DPYD: variants seen among roughly 807,000 people sequenced by gnomAD.
DPYD encodes the protein dihydropyrimidine dehydrogenase, also known as dihydropyrimidine dehydrogenase [NADP(+)].
A neutral mutation model predicts 116.2 loss-of-function variants in DPYD; 109 were observed. The observed-to-expected ratio is 0.94, with a 90% CI of 0.80 to 1.10. The LOEUF is 1.10. DPYD is among the 50% of genes least tolerant of loss of function. DPYD has a pLI of 0.00. For synonymous variants in DPYD, 440 were observed against 432.0 expected (o/e 1.02, Z -0.23); for missense variants, 1,302 against 1,254.5 (o/e 1.04, Z -0.57).
intron 3 of DPYD, among the ~76,000 whole-genome samples, chr1:97,794,121 A>G (rs2101288060): frequency 6.6e-6 from 1 of 152,182 alleles, no homozygotes; most frequent in Non-Finnish European, 1.5e-5. Flanking sequence ...TATATTTAGT[A>G]AGGATAGAGT....
chr1:97,390,469 C>G (rs1432409952), intron 14 of DPYD, among the ~76,000 whole-genome samples: 1 of 151,860 alleles, frequency 6.6e-6, no homozygotes, highest in Non-Finnish European at 1.5e-5. Flanking sequence ...TCCTTTATGC[C>G]TTAGTTCAAA....
At chr1:97,116,309 C>T (rs955874719) in intron 20 of DPYD, among the ~76,000 whole-genome samples, 1 of 151,972 alleles carries the variant, frequency 6.6e-6, no homozygotes, top group Admixed American at 6.6e-5. Context: ...TGCCTTTTAA[C>T]GGGGGGGCTA....
intron 14 of DPYD, among the ~76,000 whole-genome samples, chr1:97,438,427 T>C (rs989674443): frequency 1.3e-5 from 2 of 152,096 alleles, no homozygotes; most frequent in African/African-American, 4.8e-5. Flanking sequence ...TGTTCTTATC[T>C]TTCACATCTT....
chr1:97,843,296 C>T (rs1377694468), intron 2 of DPYD, among the ~76,000 whole-genome samples: 2 of 152,148 alleles, frequency 1.3e-5, no homozygotes, highest in Non-Finnish European at 2.9e-5. Flanking sequence ...CTCACCCCTA[C>T]ACCTATCTAT....
intron 14 of DPYD, among the ~76,000 whole-genome samples, chr1:97,440,644 C>G (rs1246530682): frequency 6.6e-6 from 1 of 152,156 alleles, no homozygotes; most frequent in Non-Finnish European, 1.5e-5. Flanking sequence ...CATCTCTTTC[C>G]TCCCAACTTT....
At chr1:97,422,157 T>G (rs1047577912) in intron 14 of DPYD, among the ~76,000 whole-genome samples, 1 of 152,196 alleles carries the variant, frequency 6.6e-6, no homozygotes, top group African/African-American at 2.4e-5. Flanking sequence ...GCATTGGTTT[T>G]GGGAAGTATT....
intron 2 of DPYD, among the ~76,000 whole-genome samples, chr1:97,878,161 C>T (rs1273439362): frequency 6.6e-6 from 1 of 151,862 alleles, no homozygotes; most frequent in East Asian, 1.9e-4. Context: ...CAGTACCATG[C>T]TGAGCCACAT....
chr1:97,411,164 T>C (rs1353204107), intron 14 of DPYD, among the ~76,000 whole-genome samples: 3 of 152,208 alleles, frequency 2.0e-5, no homozygotes, highest in East Asian at 1.9e-4. Context: ...ATTGCACTTA[T>C]CTGTCTCCTA....
At chr1:97,713,340 C>A (rs1662402869) in intron 5 of DPYD, among the ~76,000 whole-genome samples, 1 of 152,056 alleles carries the variant, frequency 6.6e-6, no homozygotes, top group East Asian at 1.9e-4. Context: ...AAAAAAGTAA[C>A]CGCAAATAAT....
chr1:97,349,009 C>G (rs1451531532), intron 16 of DPYD, among the ~76,000 whole-genome samples: 2 of 152,128 alleles, frequency 1.3e-5, no homozygotes, highest in Non-Finnish European at 2.9e-5. Flanking sequence ...AACCTGGTGT[C>G]ATTTTACAGA....
At chr1:97,392,498 T>C (rs1049359489) in intron 14 of DPYD, among the ~76,000 whole-genome samples, 5 of 152,034 alleles carry the variant, frequency 3.3e-5, no homozygotes, top group African/African-American at 1.2e-4. Context: ...GCTAGATTGA[T>C]TGACTCCTCC....
In DPYD at chr1:97,595,070, C is replaced by A. The variant is rs749157068; in HGVS notation, c.947G>T (p.Gly316Val). The change falls in exon 9 of 23, where the codon GGC becomes GTC. Residue 316 changes from glycine (G) to valine (V), a missense_variant. Transcript: ENST00000370192. Reference protein sequence around the residue: ...SKDFLPLVAKGSKAGMCACHS... With the variant: ...SKDFLPLVAKVSKAGMCACHS... ...ACAATATGTTATACCTGCTTTACTG[C>A]CTTTGGCTACAAGTGGCAAAAAGTC... 1.9e-6 allele frequency: 3 copies of A among 1,613,070 alleles called. No homozygotes were observed. The highest frequency in any genetic ancestry group is 2.5e-6 in the Non-Finnish European group (3 of 1,179,206).
chr1:97,406,223 G>A (rs1260658069), intron 14 of DPYD, among the ~76,000 whole-genome samples: 1 of 150,000 alleles, frequency 6.7e-6, no homozygotes, highest in African/African-American at 2.4e-5. Context: ...TTTGCCCTAA[G>A]TCCTCCCATC....
chr1:97,704,805 T>C (rs1421378245), intron 5 of DPYD, among the ~76,000 whole-genome samples: 1 of 152,034 alleles, frequency 6.6e-6, no homozygotes, highest in African/African-American at 2.4e-5. Context: ...TAATATTCTA[T>C]GATTTAATTT....
intron 8 of DPYD, among the ~76,000 whole-genome samples, chr1:97,652,673 G>A (rs1458036702): frequency 6.6e-6 from 1 of 152,130 alleles, no homozygotes; most frequent in Non-Finnish European, 1.5e-5. Flanking sequence ...AAGGGTGAGG[G>A]ACATTTCTAT....
At chr1:97,213,110 CAAT>C (rs1660148316) in intron 19 of DPYD, among the ~76,000 whole-genome samples, 1 of 151,954 alleles carries the variant, frequency 6.6e-6, no homozygotes, top group African/African-American at 2.4e-5. Flanking sequence ...ATAAAAGCAC[CAAT>C]CTCATTTATA....
intron 14 of DPYD, among the ~76,000 whole-genome samples, chr1:97,439,896 T>C (rs555239029): frequency 1.2e-4 from 19 of 152,300 alleles, no homozygotes; most frequent in African/African-American, 4.6e-4. Flanking sequence ...ACCACAAATA[T>C]TGACATTCTG....
intron 16 of DPYD, among the ~76,000 whole-genome samples, chr1:97,337,684 A>T (rs907987226): frequency 2.4e-4 from 35 of 146,848 alleles, no homozygotes; most frequent in Admixed American, 7.0e-4. Flanking sequence ...ATTGGTTTCC[A>T]GTTAGGAGAT....
intron 14 of DPYD, among the ~76,000 whole-genome samples, chr1:97,412,915 A>G (rs1674090424): frequency 6.6e-6 from 1 of 152,214 alleles, no homozygotes; most frequent in Non-Finnish European, 1.5e-5. Context: ...GAGTCATCAT[A>G]GTAGAATGCC....
Sources: allele counts gnomAD v4.1 joint callset (sites outside exome capture counted in the v4.1 genomes callset), GRCh38; gene constraint gnomAD v4.1.1; transcripts MANE v1.5; gene names NCBI Gene and HGNC (gene_info 2026-07-23, HGNC 2026-07-21).